Variants in KLHL32 observed in about 807,000 individuals in gnomAD.
The protein encoded by KLHL32 is kelch like family member 32.
In KLHL32, 35 loss-of-function variants were observed where a neutral mutation model predicts 64.8. The ratio of observed to expected loss-of-function variants is 0.54; its 90% CI spans 0.41 to 0.72. KLHL32 has a LOEUF of 0.72. Among genes scored for constraint, KLHL32 ranks in the 30% least tolerant of loss-of-function variants. The pLI, the probability that KLHL32 is intolerant of heterozygous loss-of-function variation, is 0.00. For synonymous variants in KLHL32, 259 were observed against 281.0 expected (o/e 0.92, Z 0.78); for missense variants, 589 against 768.5 (o/e 0.77, Z 2.76).
At chr6:97,026,732 A>G (rs892843608) in intron 3 of KLHL32, among the ~76,000 whole-genome samples, 1 of 152,242 alleles carries the variant, frequency 6.6e-6, no homozygotes, top group East Asian at 1.9e-4. Flanking sequence ...TAAGAGAGGG[A>G]CTGTTGAAAT....
At chr6:97,040,096 T>C (rs1784899512) in intron 3 of KLHL32, among the ~76,000 whole-genome samples, 1 of 152,058 alleles carries the variant, frequency 6.6e-6, no homozygotes, top group Admixed American at 6.6e-5. Flanking sequence ...AAAAATCACA[T>C]TTTTCAAATT....
intron 3 of KLHL32, among the ~76,000 whole-genome samples, chr6:97,001,958 G>T (rs1255488765): frequency 1.3e-5 from 2 of 152,134 alleles, no homozygotes; most frequent in Non-Finnish European, 2.9e-5. Flanking sequence ...GTTCTCCAAA[G>T]AAACATAACT....
chr6:97,096,958 G>A (rs899238660), intron 6 of KLHL32, among the ~76,000 whole-genome samples: 1 of 152,184 alleles, frequency 6.6e-6, no homozygotes, highest in African/African-American at 2.4e-5. Flanking sequence ...GTCATTGGAA[G>A]CCTTTTTAGT....
At chr6:96,909,131 G>A in the KLHL32 span, among the ~76,000 whole-genome samples, 2 of 152,174 alleles carry the variant, frequency 1.3e-5, no homozygotes, top group South Asian at 4.1e-4. Context: ...TTCTACTCCA[G>A]ATTTAAGTTA....
chr6:97,000,871 GCC>G (rs1778942135), intron 3 of KLHL32, among the ~76,000 whole-genome samples: 1 of 152,188 alleles, frequency 6.6e-6, no homozygotes, highest in South Asian at 2.1e-4. Context: ...GAGCTATCAA[GCC>G]ATGAAAATGC....
intron 4 of KLHL32, among the ~76,000 whole-genome samples, chr6:97,058,471 T>G (rs1274940542): frequency 6.6e-6 from 1 of 152,216 alleles, no homozygotes; most frequent in Non-Finnish European, 1.5e-5. Context: ...CCATGGCTAA[T>G]GCCCTGATTG....
Position 97,014,307 on chromosome 6 carries a change from A to AC in KLHL32, c.205-27185_205-27184insC, listed in dbSNP as rs978695653. Among the ~76,000 whole-genome samples the AC allele has an allele frequency of 3.8e-4, 57 of 151,848 alleles. No homozygotes were observed. In the East Asian group the frequency reaches 8.7e-3, roughly 23 times the overall value. On this transcript the variant is annotated intron_variant, in intron 3 of 10. Transcript: ENST00000369261. ...GAGACTCCGTCTCAAAAAAAAAAAA[A>AC]AAAGTTTCTTTTTTCGTATCTGTAA...
chr6:96,917,943 T>A, the KLHL32 span, among the ~76,000 whole-genome samples: 1 of 152,220 alleles, frequency 6.6e-6, no homozygotes, highest in African/African-American at 2.4e-5. Flanking sequence ...GCAGGGGCTG[T>A]TCCGTACATT....
At chr6:97,060,247 G>A (rs1788657143) in intron 4 of KLHL32, among the ~76,000 whole-genome samples, 1 of 152,076 alleles carries the variant, frequency 6.6e-6, no homozygotes, top group African/African-American at 2.4e-5. Flanking sequence ...AAAAAAAAAG[G>A]TCACACTGAG....
intron 4 of KLHL32, among the ~76,000 whole-genome samples, chr6:97,055,796 T>TTAAAAAAAAAAAAAAAAAAAA (rs1787717117): frequency 1.2e-5 from 1 of 81,032 alleles, no homozygotes; most frequent in South Asian, 4.9e-4. Flanking sequence ...AGAACCTGTC[T>TTAAAAAAAAAAAAAAAAAAAA]AAAAAAAAAA....
intron 3 of KLHL32, among the ~76,000 whole-genome samples, chr6:96,999,203 C>T (rs550342758): frequency 6.6e-6 from 1 of 152,234 alleles, no homozygotes; most frequent in South Asian, 2.1e-4. Context: ...CAAGACCAGC[C>T]TATGCGACAT....
chr6:97,138,572 CAAACA>C (rs1800325822), intron 10 of KLHL32, among the ~76,000 whole-genome samples: 1 of 151,880 alleles, frequency 6.6e-6, no homozygotes, highest in Admixed American at 6.6e-5. Context: ...ACCCCAAAAA[CAAACA>C]AAACAAACAA....
chr6:97,078,044 G>A (rs372707801), intron 5 of KLHL32, among the ~76,000 whole-genome samples: 8 of 152,238 alleles, frequency 5.3e-5, no homozygotes, highest in East Asian at 1.9e-4. Flanking sequence ...TATACTTACC[G>A]TATCCTACTT....
At position 97,131,181 on chromosome 6, in the gene KLHL32, A is replaced by T. The variant is rs1799404240; in HGVS notation, c.1606+232A>T. ...TATTACTACCATTATGCACATCCTC[A>T]TATGGCTGAGAGGCATGTCAAGTCC... On this transcript the variant is annotated intron_variant, in intron 9 of 10. Transcript: ENST00000369261. 2.0e-5 allele frequency among the ~76,000 whole-genome samples: 3 copies of T among 152,190 alleles called. 1 individual carries two copies. Among genetic ancestry groups the T allele is most frequent in the Admixed American group, 6.5e-5 (1 of 15,270 alleles).
chr6:97,119,067 A>G (rs906364738), intron 7 of KLHL32, among the ~76,000 whole-genome samples: 3 of 152,144 alleles, frequency 2.0e-5, no homozygotes, highest in Admixed American at 1.3e-4. Context: ...TCATGGTCCA[A>G]TCACTTCAAT....
At chr6:97,031,819 A>C (rs888336658) in intron 3 of KLHL32, among the ~76,000 whole-genome samples, 1 of 152,186 alleles carries the variant, frequency 6.6e-6, no homozygotes, top group African/African-American at 2.4e-5. Flanking sequence ...TTTGGAAACT[A>C]TTTGAAATGA....
chr6:96,939,592 G>A (rs1771030667), intron 1 of KLHL32, among the ~76,000 whole-genome samples: 2 of 152,182 alleles, frequency 1.3e-5, no homozygotes, highest in South Asian at 2.1e-4. Flanking sequence ...TGGAGAGATT[G>A]GAGAGTGTTT....
chr6:96,905,749 A>T, the KLHL32 span, among the ~76,000 whole-genome samples: 1 of 152,224 alleles, frequency 6.6e-6, no homozygotes, highest in Non-Finnish European at 1.5e-5. Flanking sequence ...TTTAATAATT[A>T]TAGTTTAGGT....
Position 97,139,376 on chromosome 6 carries a change from C to G in KLHL32, c.*94C>G. 1 of 1,074,076 alleles carries G rather than the reference C, an allele frequency of 9.3e-7. No individual in the cohort carries two copies. Among genetic ancestry groups the G allele is most frequent in the South Asian group, 1.6e-5 (1 of 60,698 alleles). 66.5% of individuals were successfully genotyped at this position (1,074,076 alleles called of 1,614,324 possible). On this transcript the variant is annotated 3_prime_UTR_variant, in exon 11 of 11. Coordinates refer to ENST00000369261, the MANE Select transcript of KLHL32 (RefSeq NM_052904.4). ...CAGTGCTCCATGCTTCCTTGTCTTG[C>G]TTTATAGGTCTTATATTCGGATAAA...
Sources: gnomAD v4.1 joint callset for allele counts (sites outside exome capture counted in the v4.1 genomes callset) on GRCh38, gnomAD v4.1.1 for gene constraint, MANE v1.5 for transcripts, NCBI Gene and HGNC (gene_info 2026-07-23, HGNC 2026-07-21) for gene names.